Variants in LPP observed in about 807,000 individuals in gnomAD.
LPP encodes the protein lipoma-preferred partner.
LPP carries 38 observed loss-of-function variants against 60.4 expected under a neutral mutation model. The observed-to-expected ratio is 0.63, with a 90% CI of 0.49 to 0.83. The LOEUF is 0.83. Among genes scored for constraint, LPP ranks in the 40% least tolerant of loss-of-function variants. LPP has a pLI of 0.00. For missense variants in LPP, 902 were observed against 783.6 expected (o/e 1.15, Z -1.80); for synonymous variants, 328 against 290.8 (o/e 1.13, Z -1.30).
intron 1 of LPP, among the ~76,000 whole-genome samples, chr3:188,215,110 A>T (rs1713001990): frequency 2.0e-5 from 3 of 152,100 alleles, no homozygotes; most frequent in Admixed American, 1.3e-4. Context: ...ATTCAAGTCC[A>T]GCTTGGCCAA....
intron 3 of LPP, among the ~76,000 whole-genome samples, chr3:188,403,905 G>GTA (rs1443942813): frequency 1.5e-4 from 23 of 152,096 alleles, no homozygotes; most frequent in African/African-American, 5.3e-4. Flanking sequence ...GTATGTGTGT[G>GTA]TATATATGAA....
intron 7 of LPP, among the ~76,000 whole-genome samples, chr3:188,613,979 G>T (rs147991285): frequency 1.3e-5 from 2 of 150,892 alleles, no homozygotes; most frequent in Non-Finnish European, 2.9e-5. Flanking sequence ...CCAGGCTGGG[G>T]TGCAATGACG....
intron 9 of LPP, among the ~76,000 whole-genome samples, chr3:188,847,500 A>G (rs1244584348): frequency 6.6e-6 from 1 of 152,250 alleles, no homozygotes; most frequent in Non-Finnish European, 1.5e-5. Context: ...AGTGTATTCA[A>G]TGTGGCTTTT....
At chr3:188,621,195 C>A (rs1314003165) in intron 7 of LPP, among the ~76,000 whole-genome samples, 1 of 146,582 alleles carries the variant, frequency 6.8e-6, no homozygotes, top group South Asian at 2.5e-4. Context: ...TATAAATGTT[C>A]TTTTTTTTAA....
chr3:188,567,434 A>G (rs890752916), intron 6 of LPP, among the ~76,000 whole-genome samples: 1 of 151,942 alleles, frequency 6.6e-6, no homozygotes, highest in Non-Finnish European at 1.5e-5. Flanking sequence ...TGATGTGGTA[A>G]GAAACCATTG....
Position 188,594,320 on chromosome 3 carries a change from G to C in LPP, c.430-14841G>C, listed in dbSNP as rs540093479. On this transcript the variant is annotated intron_variant, in intron 6 of 11. Transcript: ENST00000617246. ...AGAATGTGCCTAAAGCAATTCAGCAGTTCAGAGTGGAATGAAAAGGACCCT... is the reference window on the plus strand; with the variant it reads ...AGAATGTGCCTAAAGCAATTCAGCACTTCAGAGTGGAATGAAAAGGACCCT... Among the ~76,000 whole-genome samples, 7 of 152,296 alleles carry C rather than the reference G, an allele frequency of 4.6e-5. No homozygotes were observed. The East Asian group carries it at 1.4e-3, about 29-fold the overall frequency.
chr3:188,239,979 A>C (rs149206456), intron 2 of LPP: 1 of 197,628 alleles, frequency 5.1e-6, no homozygotes, highest in Non-Finnish European at 1.0e-5. Flanking sequence ...CAGTCAGAGA[A>C]ACTGAGGCCC....
chr3:188,373,179 G>A (rs527918572), intron 3 of LPP, among the ~76,000 whole-genome samples: 1 of 152,188 alleles, frequency 6.6e-6, no homozygotes, highest in Non-Finnish European at 1.5e-5. Context: ...GTGTGCATGT[G>A]TCTTTATAGC....
chr3:188,625,353 T>C (rs1016811695), intron 7 of LPP, among the ~76,000 whole-genome samples: 1 of 152,174 alleles, frequency 6.6e-6, no homozygotes, highest in Non-Finnish European at 1.5e-5. Context: ...AAACCTCTGG[T>C]ATTGGGATAT....
chr3:188,655,629 G>A (rs1327012924), intron 7 of LPP, among the ~76,000 whole-genome samples: 1 of 152,118 alleles, frequency 6.6e-6, no homozygotes, highest in Non-Finnish European at 1.5e-5. Context: ...AGATCTCTGG[G>A]TTGAATAGAT....
chr3:188,674,984 A>G (rs1456887067), intron 7 of LPP, among the ~76,000 whole-genome samples: 1 of 152,232 alleles, frequency 6.6e-6, no homozygotes, highest in Non-Finnish European at 1.5e-5. Flanking sequence ...TGGCAATATT[A>G]CTTTTTAGGT....
chr3:188,858,836 T>A (rs1238508268), intron 9 of LPP, among the ~76,000 whole-genome samples: 1 of 152,120 alleles, frequency 6.6e-6, no homozygotes, highest in Non-Finnish European at 1.5e-5. Flanking sequence ...ATGCTTGTAA[T>A]CCCAGCACTT....
At chr3:188,715,758 C>A (rs1268714009) in intron 8 of LPP, among the ~76,000 whole-genome samples, 1 of 152,038 alleles carries the variant, frequency 6.6e-6, no homozygotes, top group African/African-American at 2.4e-5. Context: ...TAAGAGAAAG[C>A]GTGTTTGTAT....
At position 188,790,209 on chromosome 3, in the gene LPP, C is replaced by A. The variant is rs144627953; in HGVS notation, c.1410+29927C>A. Among the ~76,000 whole-genome samples, 554 of 152,164 alleles carry A rather than the reference C, an allele frequency of 3.6e-3. 1 individual carries two copies. Among genetic ancestry groups the A allele is most frequent in the African/African-American group, 0.013 (530 of 41,532 alleles). On this transcript the variant is annotated intron_variant, in intron 9 of 11. Transcript: ENST00000617246. The stretch of plus-strand genomic sequence containing the variant: ...AGGCTATCAGAAAAATAAGACAAAT[C>A]TATATATGCTAATTAAAGACACCTT...
Position 188,886,729 on chromosome 3 carries a change from C to CACACACAT in LPP, c.*12258_*12265dup, listed in dbSNP as rs1553882075. ...TTGTATTGTCTTCAAAACACACACA[C>CACACACAT]ACACACATACACACACACACACACA... On this transcript the variant is annotated 3_prime_UTR_variant, in exon 12 of 12. Transcript: ENST00000617246. The CACACACAT allele has an allele frequency of 4.3e-5, 6 of 138,146 alleles. No homozygotes were observed. The highest frequency in any genetic ancestry group is 6.4e-5 in the Non-Finnish European group (5 of 78,254). The allele number at this position is 138,146 out of a possible 1,614,324, so 8.6% of individuals were successfully genotyped here. A position where few individuals can be genotyped will look rare whatever the true frequency, so the allele number is the denominator to read the frequency against.
intron 7 of LPP, among the ~76,000 whole-genome samples, chr3:188,706,158 A>G (rs768279433): frequency 2.0e-4 from 30 of 152,288 alleles, no homozygotes; most frequent in Non-Finnish European, 3.7e-4. Flanking sequence ...AGGAGGTCCT[A>G]AGTTTAACCT....
At chr3:188,662,322 G>A (rs1045114260) in intron 7 of LPP, among the ~76,000 whole-genome samples, 3 of 152,152 alleles carry the variant, frequency 2.0e-5, no homozygotes, top group Admixed American at 2.0e-4. Flanking sequence ...ATCCTGATGG[G>A]TTCAACTGGC....
chr3:188,292,993 T>C (rs576915273), intron 2 of LPP, among the ~76,000 whole-genome samples: 1 of 152,310 alleles, frequency 6.6e-6, no homozygotes, highest in Admixed American at 6.5e-5. Context: ...GCTCCAACTC[T>C]ACAAACAAGG....
At chr3:188,849,600 G>A (rs1291175438) in intron 9 of LPP, among the ~76,000 whole-genome samples, 1 of 152,094 alleles carries the variant, frequency 6.6e-6, no homozygotes, top group Admixed American at 6.6e-5. Context: ...TTAATCCCTT[G>A]ATATATAGAT....
Sources: gnomAD v4.1 joint callset for allele counts (sites outside exome capture counted in the v4.1 genomes callset) on GRCh38, gnomAD v4.1.1 for gene constraint, MANE v1.5 for transcripts, NCBI Gene and HGNC (gene_info 2026-07-23, HGNC 2026-07-21) for gene names.